UMAD1: variants seen among roughly 807,000 people sequenced by gnomAD.
The protein encoded by UMAD1 is UBAP1-MVB12-associated (UMA)-domain containing protein 1.
In UMAD1, 8 loss-of-function variants were observed where a neutral mutation model predicts 6.1. The ratio of observed to expected loss-of-function variants is 1.30; its 90% CI spans 0.76 to 2.35. The LOEUF (loss-of-function observed/expected upper bound fraction) is 2.35. Ranked by LOEUF, UMAD1 falls within the 30% of genes most tolerant of loss-of-function variation. UMAD1 has a pLI of 0.00. For missense variants in UMAD1, 130 were observed against 78.4 expected (o/e 1.66, Z -2.49); for synonymous variants, 56 against 31.4 (o/e 1.78, Z -2.61).
intron 3 of UMAD1, among the ~76,000 whole-genome samples, chr7:7,817,930 C>G (rs1377604489): frequency 6.6e-6 from 1 of 152,152 alleles, no homozygotes; most frequent in Non-Finnish European, 1.5e-5. Context: ...CTTCTCACCT[C>G]AGCCTCTCGA....
chr7:7,738,309 T>C (rs566910360), intron 2 of UMAD1, among the ~76,000 whole-genome samples: 13 of 152,334 alleles, frequency 8.5e-5, no homozygotes, highest in Admixed American at 2.0e-4. Context: ...CCTATGCCCT[T>C]AGTGCCAAAA....
intron 2 of UMAD1, among the ~76,000 whole-genome samples, chr7:7,722,799 G>A (rs193245473): frequency 6.6e-6 from 1 of 152,322 alleles, no homozygotes; most frequent in Non-Finnish European, 1.5e-5. Flanking sequence ...TACTGTTAAA[G>A]TGAAGGCATT....
intron 3 of UMAD1, among the ~76,000 whole-genome samples, chr7:7,838,163 G>A (rs1156559513): frequency 6.6e-6 from 1 of 152,154 alleles, no homozygotes; most frequent in Admixed American, 6.5e-5. Flanking sequence ...TTCTGAAAGA[G>A]AGGCCAGATA....
At chr7:7,810,620 T>C (rs1783002819) in intron 3 of UMAD1, among the ~76,000 whole-genome samples, 1 of 152,172 alleles carries the variant, frequency 6.6e-6, no homozygotes, top group Non-Finnish European at 1.5e-5. Flanking sequence ...TACTTGCATT[T>C]GGGATGATAG....
At chr7:7,827,139 ATATATATATGTGTG>A (rs1403445622) in intron 3 of UMAD1, among the ~76,000 whole-genome samples, 3 of 133,980 alleles carry the variant, frequency 2.2e-5, no homozygotes, top group African/African-American at 5.8e-5. Context: ...ATATATATAT[ATATATATATGTGTG>A]TGTGTGTGTG....
intron 2 of UMAD1, among the ~76,000 whole-genome samples, chr7:7,724,442 A>G (rs1300296318): frequency 6.6e-6 from 1 of 152,184 alleles, no homozygotes. Context: ...TGGCTCCCTG[A>G]CAGTAGGGTG....
intron 2 of UMAD1, among the ~76,000 whole-genome samples, chr7:7,766,271 G>A (rs1259218011): frequency 1.3e-5 from 2 of 152,164 alleles, no homozygotes; most frequent in East Asian, 3.8e-4. Context: ...TTCCAGGCAT[G>A]CCCAATGACA....
At chr7:7,807,827 T>A (rs1008345501) in intron 3 of UMAD1, among the ~76,000 whole-genome samples, 9 of 152,082 alleles carry the variant, frequency 5.9e-5, no homozygotes. Flanking sequence ...AGTGTTTGTC[T>A]CTTCTTCACC....
intron 3 of UMAD1, among the ~76,000 whole-genome samples, chr7:7,838,031 T>C (rs1011192451): frequency 6.6e-6 from 1 of 152,098 alleles, no homozygotes; most frequent in Non-Finnish European, 1.5e-5. Context: ...ACTAAAATTA[T>C]ATAAAGTAAA....
chr7:7,642,272 C>G lies in UMAD1; in HGVS notation c.-64+1451C>G, dbSNP rs748354040. On this transcript the variant is annotated intron_variant, in intron 1 of 3. Transcript: ENST00000682710. The stretch of plus-strand genomic sequence containing the variant: ...ACCTCAGCCTGCCAAGTAGCTGGGA[C>G]TATAAGCACATACCACCACACCCAG... 1.1e-3 allele frequency among the ~76,000 whole-genome samples: 74 copies of G among 68,996 alleles called. 1 individual carries two copies. Among genetic ancestry groups the G allele is most frequent in the Middle Eastern group, 0.012 (2 of 166 alleles). 45.3% of individuals were successfully genotyped at this position (68,996 alleles called of 152,430 possible).
intron 2 of UMAD1, among the ~76,000 whole-genome samples, chr7:7,796,934 G>A (rs892132570): frequency 6.6e-6 from 1 of 152,114 alleles, no homozygotes; most frequent in African/African-American, 2.4e-5. Context: ...TCATTTGGTG[G>A]CCCTAAGATT....
In UMAD1 at chr7:7,659,740, A is replaced by G. The variant is rs181604525; in HGVS notation, c.-63-13569A>G. Among the ~76,000 whole-genome samples the G allele has an allele frequency of 7.5e-4, 114 of 152,290 alleles. 2 individuals carry two copies. The highest frequency in any genetic ancestry group is 1.8e-3 in the Admixed American group (28 of 15,288). ...TTCCAATTATGTGGTCAATTTTAGAATAAGTATGATGTGGTGCTGAGAAGA... is the reference window on the plus strand; with the variant it reads ...TTCCAATTATGTGGTCAATTTTAGAGTAAGTATGATGTGGTGCTGAGAAGA... On this transcript the variant is annotated intron_variant, in intron 1 of 3. Transcript: ENST00000682710.
At chr7:7,717,345 C>A (rs966090874) in intron 2 of UMAD1, among the ~76,000 whole-genome samples, 1 of 152,182 alleles carries the variant, frequency 6.6e-6, no homozygotes, top group African/African-American at 2.4e-5. Flanking sequence ...GCATAAGCCA[C>A]CTCGCCCAGC....
At chr7:7,807,216 A>T (rs1427697429) in intron 3 of UMAD1, among the ~76,000 whole-genome samples, 1 of 152,142 alleles carries the variant, frequency 6.6e-6, no homozygotes, top group Non-Finnish European at 1.5e-5. Context: ...TGGAAGAAGG[A>T]TATTGTCTGG....
rs184449987 is a variant in UMAD1 at position 7,729,679 on chromosome 7, A to C, written c.82+56226A>C. Among the ~76,000 whole-genome samples the C allele has an allele frequency of 2.0e-5, 3 of 152,234 alleles. No individual in the cohort carries two copies. The East Asian group carries it at 5.8e-4, about 29-fold the overall frequency. On this transcript the variant is annotated intron_variant, in intron 2 of 3. Transcript: ENST00000682710. The stretch of plus-strand genomic sequence containing the variant: ...CTATAGTTAGCCTGGACAACTCTAA[A>C]ATTCAGGATGCCCTGGTGAACACGC...
chr7:7,870,811 GT>G (rs1784319211), intron 3 of UMAD1, among the ~76,000 whole-genome samples: 1 of 152,212 alleles, frequency 6.6e-6, no homozygotes, highest in South Asian at 2.1e-4. Context: ...CTTGGAGACT[GT>G]AATGTTGCAC....
intron 2 of UMAD1, among the ~76,000 whole-genome samples, chr7:7,684,206 AT>A (rs112128125): frequency 1.1e-3 from 153 of 144,606 alleles, no homozygotes; most frequent in South Asian, 1.8e-3. Context: ...CACAGATGCA[AT>A]TTTTTTTTTT....
chr7:7,739,814 C>T (rs1022886077), intron 2 of UMAD1, among the ~76,000 whole-genome samples: 9 of 152,162 alleles, frequency 5.9e-5, no homozygotes, highest in Non-Finnish European at 1.3e-4. Context: ...GAAGAAATGG[C>T]TCAGCTGGCT....
intron 3 of UMAD1, among the ~76,000 whole-genome samples, chr7:7,803,354 A>T (rs947293938): frequency 6.6e-6 from 1 of 152,184 alleles, no homozygotes; most frequent in Non-Finnish European, 1.5e-5. Flanking sequence ...ACATGCCTGT[A>T]GTCCCAGCTA....
Sources: gnomAD v4.1 joint callset for allele counts (sites outside exome capture counted in the v4.1 genomes callset) on GRCh38, gnomAD v4.1.1 for gene constraint, MANE v1.5 for transcripts, NCBI Gene and HGNC (gene_info 2026-07-23, HGNC 2026-07-21) for gene names.